RRN3: variants seen among roughly 807,000 people sequenced by gnomAD.
RRN3 encodes the protein RNA polymerase I transcription factor RRN3.
Under a neutral mutation model 82.3 loss-of-function variants are expected in RRN3, and 38 were observed. That is an observed-to-expected ratio of 0.46 (90% CI 0.36 to 0.61). The LOEUF (loss-of-function observed/expected upper bound fraction) is 0.61, where lower values mean the gene tolerates loss of function less well. Among genes scored for constraint, RRN3 ranks in the 20% least tolerant of loss-of-function variants. RRN3 has a pLI of 0.00. For synonymous variants in RRN3, 284 were observed against 284.3 expected (o/e 1.00, Z 0.01); for missense variants, 726 against 793.1 (o/e 0.92, Z 1.02).
chr16:15,080,361 T>C (rs1217863011), intron 8 of RRN3, among the ~76,000 whole-genome samples: 1 of 152,224 alleles, frequency 6.6e-6, no homozygotes, highest in Admixed American at 6.5e-5. Context: ...TATCATACAA[T>C]CACCAACTTA....
chr16:15,063,980 GTC>G (rs1423500004), intron 16 of RRN3, among the ~76,000 whole-genome samples: 4 of 152,122 alleles, frequency 2.6e-5, no homozygotes, highest in Non-Finnish European at 5.9e-5. Context: ...TGAAAAGTAA[GTC>G]TAGGAAAAAC....
rs1405847977 is a variant in RRN3, at chr16:15,074,748, G to A, written c.972C>T (p.Tyr324=). 7 of 1,613,936 alleles carry A rather than the reference G, an allele frequency of 4.3e-6. No individual in the cohort carries two copies. The highest frequency in any genetic ancestry group is 1.7e-5 in the Admixed American group (1 of 59,994). Residue 324 remains tyrosine (Y), a synonymous_variant, in exon 11 of 18, where the codon TAC becomes TAT. Transcript: ENST00000198767. ...LDILMSLVLS[Y]MKDVCYVDGK... ...CATCTACATAGCAGACATCCTTCAT[G>A]TAGGACAAAACCAAAGACATCAGGA... is the stretch of plus-strand genomic sequence containing the variant.
chr16:15,082,313 T>C (rs2045741342), intron 8 of RRN3, among the ~76,000 whole-genome samples: 2 of 152,200 alleles, frequency 1.3e-5, no homozygotes, highest in South Asian at 4.1e-4. Context: ...TCTACTGAGA[T>C]GATTATGTGG....
intron 15 of RRN3, among the ~76,000 whole-genome samples, chr16:15,066,939 GT>G (rs1294555916): frequency 1.6e-4 from 25 of 151,880 alleles, no homozygotes; most frequent in African/African-American, 5.8e-4. Context: ...GGACCAGATG[GT>G]TCACAAATGC....
chr16:15,067,096 T>C (rs1368284463), intron 15 of RRN3, among the ~76,000 whole-genome samples: 1 of 147,914 alleles, frequency 6.8e-6, no homozygotes, highest in African/African-American at 2.5e-5. Flanking sequence ...GGTCTCTTTA[T>C]GCCTTTTCCT....
intron 10 of RRN3, among the ~76,000 whole-genome samples, chr16:15,075,945 C>A (rs745768496): frequency 6.6e-6 from 1 of 152,178 alleles, no homozygotes; most frequent in Admixed American, 6.5e-5. Flanking sequence ...TCCAGCCCCT[C>A]CCCCTTAGAA....
Position 15,074,876 on chromosome 16 carries a change from A to T in RRN3, c.859-15T>A. The T allele has an allele frequency of 2.5e-6, 4 of 1,598,586 alleles. No individual in the cohort carries two copies. The highest frequency in any genetic ancestry group is 3.4e-6 in the Non-Finnish European group (4 of 1,172,638). On this transcript the variant is annotated splice_polypyrimidine_tract_variant and intron_variant, in intron 10 of 17. Transcript: ENST00000198767. ...TCATCTTCATCCTTTGAAGACAAAA[A>T]GTAAATACTAACATTAAAAAATTCA...
Position 15,060,270 on chromosome 16 carries a change from C to T in RRN3, c.*1474G>A, listed in dbSNP as rs1290684691. On this transcript the variant is annotated 3_prime_UTR_variant, in exon 18 of 18. Coordinates refer to ENST00000198767, the MANE Select transcript of RRN3 (RefSeq NM_018427.5). ...TATTAAAAAATCAACATTTTGCCAG[C>T]AGTTAAAAAGACAACCTTAAAGTTC... The T allele has an allele frequency of 3.0e-6, 1 of 328,308 alleles. No homozygotes were observed. Among genetic ancestry groups the T allele is most frequent in the African/African-American group, 2.2e-5 (1 of 45,100 alleles). 20.3% of individuals were successfully genotyped at this position (328,308 alleles called of 1,614,324 possible). A position where few individuals can be genotyped will look rare whatever the true frequency, so the allele number is the denominator to read the frequency against.
chr16:15,075,787 C>A (rs756540086), intron 10 of RRN3, among the ~76,000 whole-genome samples: 1 of 152,130 alleles, frequency 6.6e-6, no homozygotes, highest in African/African-American at 2.4e-5. Context: ...CCCACCATGG[C>A]GGGTGCTTTT....
rs2045377126 is a variant in RRN3 at position 15,074,725 on chromosome 16, T to C, written c.995A>G (p.Asp332Gly). The change falls in exon 11 of 18, where the codon GAT becomes GGT. Residue 332 changes from aspartate (D) to glycine (G), a missense_variant and splice_region_variant. Coordinates refer to ENST00000198767, the MANE Select transcript of RRN3 (RefSeq NM_018427.5). ...AAACAGTAGCTACTGTGATTTACCA[T>C]CTACATAGCAGACATCCTTCATGTA... ...LSYMKDVCYV[D>G]GKVDNGKTKD... 8 of 1,611,266 alleles carry C rather than the reference T, an allele frequency of 5.0e-6. No individual in the cohort carries two copies. The highest frequency in any genetic ancestry group is 2.2e-5 in the East Asian group (1 of 44,860).
rs1348286867 is a variant in RRN3 at position 15,060,669 on chromosome 16, CCT to C, written c.*1073_*1074del. Reference sequence around the variant, plus strand: ...TTAAAGCGAGGTCTTCTGAAGACTTCCTCTGTTTAGTTATAAAAATACAAAAA... The same window carrying C: ...TTAAAGCGAGGTCTTCTGAAGACTTCCTGTTTAGTTATAAAAATACAAAAA... On this transcript the variant is annotated 3_prime_UTR_variant, in exon 18 of 18. Transcript: ENST00000198767. 1.3e-5 allele frequency: 2 copies of C among 152,382 alleles called. No individual in the cohort carries two copies. The highest frequency in any genetic ancestry group is 6.5e-5 in the Admixed American group (1 of 15,274). 9.4% of individuals were successfully genotyped at this position (152,382 alleles called of 1,614,324 possible). A position where few individuals can be genotyped will look rare whatever the true frequency, so the allele number is the denominator to read the frequency against.
intron 3 of RRN3, 117 bp from the exon 4 acceptor site, chr16:15,086,571 T>TTG: frequency 6.8e-7 from 1 of 1,472,782 alleles, no homozygotes; most frequent in South Asian, 1.3e-5. Context: ...GGTCACAAAC[T>TTG]TGGAAGGAAC....
At chr16:15,085,499 G>C (rs1003989569) in intron 6 of RRN3, 140 bp downstream of exon 6, 20 of 998,038 alleles carry the variant, frequency 2.0e-5, no homozygotes, top group Non-Finnish European at 2.6e-5. Context: ...ATGTTTTTTT[G>C]CAGAGACAAG....
intron 8 of RRN3, among the ~76,000 whole-genome samples, chr16:15,081,642 T>C (rs557101560): frequency 6.6e-6 from 1 of 152,230 alleles, no homozygotes; most frequent in African/African-American, 2.4e-5. Flanking sequence ...TTCATCTTCT[T>C]GAAGATGTCC....
rs774073684 is a variant in RRN3, at chr16:15,092,527, G to A, written c.177C>T (p.Val59=). 1 of 1,612,168 alleles carries A rather than the reference G, an allele frequency of 6.2e-7. No homozygotes were observed. Residue 59 remains valine (V), a synonymous_variant, in exon 2 of 18, where the codon GTC becomes GTT. Transcript: ENST00000198767. ...TVRFGGTVTE[V]LLKYKKGETN... is the part of the protein sequence containing the mutation. Reference sequence around the variant, plus strand: ...CCCTTACCTTTTTGTACTTCAGCAAGACTTCTGTCACAGTTCCACCAAACC... The same window carrying A: ...CCCTTACCTTTTTGTACTTCAGCAAAACTTCTGTCACAGTTCCACCAAACC...
chr16:15,076,408 G>T, intron 10 of RRN3, 150 bp downstream of exon 10: 1 of 669,066 alleles, frequency 1.5e-6, no homozygotes, highest in Non-Finnish European at 2.7e-6. Flanking sequence ...AAATGACATG[G>T]CAGCAAATTA....
Position 15,092,382 on chromosome 16 carries a change from A to G in RRN3, c.195+127T>C, listed in dbSNP as rs868010368. ...AATTTTGCACTGACGGCATCATGCT[A>G]TTATTAAATATTTGATTTCAACTGG... On this transcript the variant is annotated intron_variant, in intron 2 of 17. Transcript: ENST00000198767. 1.6e-4 allele frequency: 111 copies of G among 680,294 alleles called. 2 individuals are homozygous for G. The highest frequency in any genetic ancestry group is 1.2e-3 in the South Asian group (71 of 59,716). 42.1% of individuals were successfully genotyped at this position (680,294 alleles called of 1,614,324 possible).
chr16:15,089,569 G>A (rs570071808), intron 3 of RRN3, among the ~76,000 whole-genome samples: 1 of 152,098 alleles, frequency 6.6e-6, no homozygotes. Context: ...GGGAGGCCAA[G>A]GCGGGCGGAT....
intron 15 of RRN3, among the ~76,000 whole-genome samples, chr16:15,065,755 A>G (rs1423741223): frequency 1.3e-5 from 2 of 152,146 alleles, no homozygotes; most frequent in Non-Finnish European, 2.9e-5. Context: ...TTGCAAAAGA[A>G]TTAGAAGGTT....
Sources: gnomAD v4.1 joint callset for allele counts (sites outside exome capture counted in the v4.1 genomes callset) on GRCh38, gnomAD v4.1.1 for gene constraint, MANE v1.5 for transcripts, NCBI Gene and HGNC (gene_info 2026-07-23, HGNC 2026-07-21) for gene names.